The following PRODH2 variants were observed in gnomAD, a reference collection of about 807,000 sequenced individuals.
PRODH2 encodes the protein hydroxyproline dehydrogenase.
PRODH2 carries 49 observed loss-of-function variants against 51.9 expected under a neutral mutation model. The ratio of observed to expected loss-of-function variants is 0.94; its 90% CI spans 0.75 to 1.20. The LOEUF is 1.20. Among genes scored for constraint, PRODH2 ranks in the 50% most tolerant of loss-of-function variants. The pLI, the probability that PRODH2 is intolerant of heterozygous loss-of-function variation, is 0.00. For synonymous variants in PRODH2, 249 were observed against 260.7 expected (o/e 0.96, Z 0.43); for missense variants, 597 against 610.9 (o/e 0.98, Z 0.24).
At chr19:35,802,447 C>T (rs575806148) in intron 8 of PRODH2, 171 bp from the exon 9 acceptor site, 14 of 657,042 alleles carry the variant, frequency 2.1e-5, no homozygotes, top group African/African-American at 2.0e-4. Context: ...CCAGTGACTC[C>T]CAGCCAGTTC....
intron 7 of PRODH2, among the ~76,000 whole-genome samples, chr19:35,805,902 G>A (rs1186123016): frequency 1.3e-5 from 2 of 152,118 alleles, no homozygotes; most frequent in Non-Finnish European, 1.5e-5. Flanking sequence ...GTCTGCAGTG[G>A]GAATGTCCCA....
Position 35,812,493 on chromosome 19 carries a change from C to G in PRODH2, c.238G>C (p.Val80Leu), listed in dbSNP as rs771955593. ...TCACCAGCCACAAACTGCCCATAGA[C>G]GGATGCTCGGAGAAATGCGCCTGAG... ...RLSGAFLRAS[V>L]YGQFVAGETA... is the part of the protein sequence containing the mutation. The change falls in exon 2 of 10, where the codon GTC (valine) becomes CTC (leucine). Residue 80 changes from valine to leucine, a missense_variant. Physicochemically the swap from Val to Leu is conservative, Grantham distance 32. Coordinates refer to ENST00000653904, the MANE Select transcript of PRODH2 (RefSeq NM_021232.2). The G allele has an allele frequency of 6.2e-7, 1 of 1,614,228 alleles. No individual in the cohort carries two copies. Among genetic ancestry groups the G allele is most frequent in the African/African-American group, 1.3e-5 (1 of 75,074 alleles).
In PRODH2 at chr19:35,800,172, C is replaced by T. The variant is rs748734327; in HGVS notation, c.1249G>A (p.Glu417Lys). ...YKSIPYGSLE[E>K]VIPYLIRRAQ... ...CTCCGGATCAGGTAGGGGATTACCT[C>T]CTCCAAGGAGCCATAGGGAATGGAC... The change falls in exon 10 of 10, where the codon GAG (glutamate) becomes AAG (lysine). Residue 417 changes from glutamate to lysine, a missense_variant. Glu to Lys is a moderately conservative substitution (Grantham distance 56). Coordinates refer to ENST00000653904, the MANE Select transcript of PRODH2 (RefSeq NM_021232.2). 5.0e-6 allele frequency: 8 copies of T among 1,603,416 alleles called. No individual in the cohort carries two copies. The highest frequency in any genetic ancestry group is 1.3e-5 in the African/African-American group (1 of 74,714).
Position 35,812,195 on chromosome 19 carries a change from C to T in PRODH2, c.449G>A (p.Ser150Asn). 6.2e-7 allele frequency: 1 copy of T among 1,614,166 alleles called. No homozygotes were observed. Among genetic ancestry groups the T allele is most frequent in the Non-Finnish European group, 8.5e-7 (1 of 1,180,028 alleles). The change falls in exon 3 of 10, where the codon AGC becomes AAC. Residue 150 changes from serine to asparagine, a missense_variant. By Grantham distance (46) the Ser-to-Asn change is conservative. Coordinates refer to ENST00000653904, the MANE Select transcript of PRODH2 (RefSeq NM_021232.2). ...CTGCATGAGGCTGGCCTCAGCCAGG[C>T]TGGGGGGCTCCAGGAGGCCCCGTGA... ...DLSRGLLEPP[S>N]LAEASLMQLK...
chr19:35,805,865 GGAGGT>G (rs1452178907), intron 7 of PRODH2, among the ~76,000 whole-genome samples: 1 of 152,160 alleles, frequency 6.6e-6, no homozygotes, highest in Non-Finnish European at 1.5e-5. Flanking sequence ...AAAGATCTAA[GGAGGT>G]GAGGGATGGG....
rs755827993 is a variant in PRODH2 at position 35,812,227 on chromosome 19, C to T, written c.417G>A (p.Val139=). 3.1e-5 allele frequency: 50 copies of T among 1,613,832 alleles called. 1 individual carries two copies. In the South Asian group the frequency reaches 5.5e-4, roughly 18 times the overall value. ...EGNLGAMLRC[V]DLSRGLLEPP... is the part of the protein sequence containing the mutation. ...GCTCCAGGAGGCCCCGTGACAGGTCCACACACCGCAGCATAGCACCGAGGT... is the reference window on the plus strand; with the variant it reads ...GCTCCAGGAGGCCCCGTGACAGGTCTACACACCGCAGCATAGCACCGAGGT... The change falls in exon 3 of 10, where the codon GTG becomes GTA. Residue 139 remains valine (V), a synonymous_variant. Transcript: ENST00000653904.
At chr19:35,800,895 A>G (rs1227392000) in intron 9 of PRODH2, among the ~76,000 whole-genome samples, 1 of 151,932 alleles carries the variant, frequency 6.6e-6, no homozygotes, top group Admixed American at 6.6e-5. Flanking sequence ...TAATTAATTA[A>G]TTAATTAATT....
chr19:35,807,161 T>C, intron 4 of PRODH2, 40 bp from the exon 5 acceptor site: 1 of 1,483,368 alleles, frequency 6.7e-7, no homozygotes, highest in East Asian at 2.5e-5. Context: ...GCTTATAAGT[T>C]GCTAGAAATC....
intron 4 of PRODH2, among the ~76,000 whole-genome samples, chr19:35,808,389 C>G (rs1249873846): frequency 4.6e-5 from 7 of 152,146 alleles, no homozygotes; most frequent in Admixed American, 4.6e-4. Flanking sequence ...TAGGCCTGGG[C>G]TTGCTCATGG....
At chr19:35,811,876 G>T in intron 4 of PRODH2, 86 bp downstream of exon 4, 1 of 1,324,470 alleles carries the variant, frequency 7.6e-7, no homozygotes. Flanking sequence ...GGAGGTGGCC[G>T]TAGCATTTTG....
intron 9 of PRODH2, among the ~76,000 whole-genome samples, chr19:35,800,700 T>C (rs1179419006): frequency 6.7e-6 from 1 of 150,270 alleles, no homozygotes; most frequent in Non-Finnish European, 1.5e-5. Context: ...CAAACTTTTT[T>C]TTTTCTCTCT....
At chr19:35,807,799 G>A (rs975243869) in intron 4 of PRODH2, among the ~76,000 whole-genome samples, 2 of 148,810 alleles carry the variant, frequency 1.3e-5, no homozygotes, top group African/African-American at 2.5e-5. Flanking sequence ...TTGCTGAGAC[G>A]GGGTCTTGCT....
chr19:35,810,291 A>AATAATAATAATAAT (rs766066674), intron 4 of PRODH2, among the ~76,000 whole-genome samples: 31 of 140,816 alleles, frequency 2.2e-4, no homozygotes, highest in African/African-American at 7.6e-4. Context: ...TAATAATAAT[A>AATAATAATAATAAT]AATAAATAGA....
rs148026193 is a variant in PRODH2, at chr19:35,807,987, C to A, written c.598-866G>T. Reference sequence around the variant, plus strand: ...TCAAGGTCTTCCTATGTTGCCCAGGCTGGTCTCAGTCTCCTGGACTCAAGC... The same window carrying A: ...TCAAGGTCTTCCTATGTTGCCCAGGATGGTCTCAGTCTCCTGGACTCAAGC... On this transcript the variant is annotated intron_variant, in intron 4 of 9. Coordinates refer to ENST00000653904, the MANE Select transcript of PRODH2 (RefSeq NM_021232.2). Among the ~76,000 whole-genome samples the A allele has an allele frequency of 4.9e-3, 749 of 152,252 alleles. 7 individuals carry two copies. The highest frequency in any genetic ancestry group is 0.016 in the African/African-American group (677 of 41,550).
In PRODH2 at chr19:35,812,397, G is replaced by A. The variant is rs751940609; in HGVS notation, c.334C>T (p.Pro112Ser). Residue 112 changes from proline to serine, a missense_variant, in exon 2 of 10, where the codon CCC becomes TCC. Coordinates refer to ENST00000653904, the MANE Select transcript of PRODH2 (RefSeq NM_021232.2). ...TLSLRPLLAVPTEEEPDSAAK... is the reference protein window; with the variant it reads ...TLSLRPLLAVSTEEEPDSAAK... ...GCAGAGTCCGGCTCCTCCTCAGTGGGCACTGCCAGCAGTGGTCGGAGGCTG... is the reference window on the plus strand; with the variant it reads ...GCAGAGTCCGGCTCCTCCTCAGTGGACACTGCCAGCAGTGGTCGGAGGCTG... 28 of 1,614,020 alleles carry A rather than the reference G, an allele frequency of 1.7e-5. No individual in the cohort carries two copies. The South Asian group carries it at 2.7e-4, about 16-fold the overall frequency.
At chr19:35,811,477 G>GAGGGAGGC (rs1972609480) in intron 4 of PRODH2, among the ~76,000 whole-genome samples, 1 of 142,972 alleles carries the variant, frequency 7.0e-6, no homozygotes. Flanking sequence ...GGGAGGGAGG[G>GAGGGAGGC]GAGAGAAGGA....
Position 35,812,286 on chromosome 19 carries a change from A to T in PRODH2, c.372-14T>A. On this transcript the variant is annotated splice_polypyrimidine_tract_variant and intron_variant, in intron 2 of 9. Transcript: ENST00000653904. ...TACCACGCCTCACTGCCCAGCCAGC[A>T]GGTGTCAGGGCCCGAACAGCAAAGC... The T allele has an allele frequency of 6.2e-7, 1 of 1,613,056 alleles. No homozygotes were observed. The highest frequency in any genetic ancestry group is 2.2e-5 in the East Asian group (1 of 44,866).
At chr19:35,801,995 C>T (rs1972438626) in intron 9 of PRODH2, 196 bp downstream of exon 9, 1 of 597,404 alleles carries the variant, frequency 1.7e-6, no homozygotes, top group African/African-American at 1.8e-5. Flanking sequence ...AGAAATAATA[C>T]ACCATGATCA....
chr19:35,806,860 C>T, intron 5 of PRODH2, 30 bp from the exon 6 acceptor site: 1 of 1,567,472 alleles, frequency 6.4e-7, no homozygotes. Flanking sequence ...CGGTCAGGGC[C>T]CCGGGTGTCC....
Sources: allele counts gnomAD v4.1 joint callset (sites outside exome capture counted in the v4.1 genomes callset), GRCh38; gene constraint gnomAD v4.1.1; transcripts MANE v1.5; gene names NCBI Gene and HGNC (gene_info 2026-07-23, HGNC 2026-07-21).